The following ADAMTS20 variants were observed in gnomAD, a reference collection of about 807,000 sequenced individuals.
ADAMTS20 encodes ADAM metallopeptidase with thrombospondin type 1 motif 20.
In ADAMTS20, 225 loss-of-function variants were observed where a neutral mutation model predicts 260.1. The ratio of observed to expected loss-of-function variants is 0.87; its 90% confidence interval spans 0.78 to 0.97. ADAMTS20 has a LOEUF of 0.97. Among genes scored for constraint, ADAMTS20 ranks in the 50% least tolerant of loss-of-function variants. The pLI is 0.00. For synonymous variants in ADAMTS20, 802 were observed against 769.5 expected (o/e 1.04, Z -0.70); for missense variants, 2,400 against 2,337.7 (o/e 1.03, Z -0.55).
intron 18 of ADAMTS20, among the ~76,000 whole-genome samples, chr12:43,437,374 C>G (rs953456185): frequency 1.3e-5 from 2 of 152,050 alleles, no homozygotes; most frequent in Non-Finnish European, 2.9e-5. Flanking sequence ...TTTCTCAAGA[C>G]AAAGATTTAT....
intron 11 of ADAMTS20, among the ~76,000 whole-genome samples, chr12:43,460,435 C>G (rs952081922): frequency 6.6e-6 from 1 of 152,082 alleles, no homozygotes; most frequent in Non-Finnish European, 1.5e-5. Context: ...TAAAGACTAA[C>G]AGTATCAAAA....
intron 16 of ADAMTS20, 134 bp downstream of exon 16, chr12:43,443,657 G>A (rs1483128051): frequency 1.9e-5 from 12 of 643,758 alleles, no homozygotes; most frequent in Admixed American, 4.9e-5. Context: ...TATAGGGAGC[G>A]CTAAGCTCAG....
chr12:43,508,836 G>C (rs1159048388), intron 3 of ADAMTS20, among the ~76,000 whole-genome samples: 3 of 152,022 alleles, frequency 2.0e-5, no homozygotes, highest in Admixed American at 6.6e-5. Flanking sequence ...TGTTGTACTA[G>C]ACTTTATTCA....
At chr12:43,483,506 G>A (rs1942473179) in intron 7 of ADAMTS20, among the ~76,000 whole-genome samples, 1 of 152,156 alleles carries the variant, frequency 6.6e-6, no homozygotes, top group Non-Finnish European at 1.5e-5. Context: ...GAGTACTTCA[G>A]GGTGACAACA....
intron 28 of ADAMTS20, among the ~76,000 whole-genome samples, chr12:43,415,225 G>C (rs1941106806): frequency 6.6e-6 from 1 of 152,092 alleles, no homozygotes; most frequent in African/African-American, 2.4e-5. Flanking sequence ...GCGGGATGTG[G>C]GGGAATTTCT....
Position 43,454,062 on chromosome 12 carries a change from T to C in ADAMTS20, c.1615-10A>G. On this transcript the variant is annotated splice_polypyrimidine_tract_variant and intron_variant, in intron 11 of 38. Coordinates refer to ENST00000389420, the MANE Select transcript of ADAMTS20 (RefSeq NM_025003.5). ...GCCCATGACGGCAATGCTATAAAAA[T>C]AATAAGCACAAAAAGAAATGATGTG... 6.2e-7 allele frequency: 1 copy of C among 1,606,924 alleles called. No homozygotes were observed. Among genetic ancestry groups the C allele is most frequent in the Non-Finnish European group, 8.5e-7 (1 of 1,177,532 alleles).
chr12:43,467,208 C>T (rs941197841), intron 8 of ADAMTS20, among the ~76,000 whole-genome samples: 11 of 151,980 alleles, frequency 7.2e-5, no homozygotes, highest in Admixed American at 3.9e-4. Flanking sequence ...ACAAGAACTT[C>T]GTGAATCCCC....
intron 31 of ADAMTS20, 86 bp from the exon 32 acceptor site, chr12:43,377,648 CTGT>C: frequency 1.4e-5 from 15 of 1,062,402 alleles, no homozygotes; most frequent in Non-Finnish European, 2.0e-5. Context: ...ATATATTATG[CTGT>C]GTCATTTCCA....
chr12:43,361,676 G>C (rs1375627193), intron 37 of ADAMTS20, among the ~76,000 whole-genome samples: 1 of 152,146 alleles, frequency 6.6e-6, no homozygotes, highest in Non-Finnish European at 1.5e-5. Context: ...GGATTACAGA[G>C]ACATTGGAGA....
chr12:43,390,450 A>T (rs1007518583), intron 29 of ADAMTS20, among the ~76,000 whole-genome samples: 2 of 152,140 alleles, frequency 1.3e-5, no homozygotes, highest in Non-Finnish European at 2.9e-5. Flanking sequence ...TTTTTTATTA[A>T]CAACTCCATC....
chr12:43,418,357 T>C (rs550538061), intron 28 of ADAMTS20, among the ~76,000 whole-genome samples: 2 of 152,322 alleles, frequency 1.3e-5, no homozygotes, highest in South Asian at 4.1e-4. Flanking sequence ...GTCGCCAGGC[T>C]GGAGTGCAAT....
chr12:43,549,972 G>A (rs1943490469), intron 2 of ADAMTS20, among the ~76,000 whole-genome samples: 1 of 152,180 alleles, frequency 6.6e-6, no homozygotes, highest in African/African-American at 2.4e-5. Context: ...GTAAAAGTAT[G>A]TATCTGCTAA....
chr12:43,468,136 TA>T (rs896584010), intron 8 of ADAMTS20, among the ~76,000 whole-genome samples: 21 of 152,158 alleles, frequency 1.4e-4, no homozygotes, highest in Non-Finnish European at 2.9e-4. Flanking sequence ...GTGAATACTT[TA>T]AAAAAAATCT....
At chr12:43,520,186 C>T (rs1510527) in intron 3 of ADAMTS20, among the ~76,000 whole-genome samples, 57,161 of 151,868 alleles carry the variant, frequency 0.38, 11,565 homozygotes, top group East Asian at 0.83. Flanking sequence ...CTTAACTGTA[C>T]TGAATCTAAG....
intron 3 of ADAMTS20, among the ~76,000 whole-genome samples, chr12:43,518,460 G>A (rs1213750621): frequency 6.6e-6 from 1 of 152,006 alleles, no homozygotes; most frequent in East Asian, 1.9e-4. Flanking sequence ...AATCTTCCTA[G>A]TTGATTTCTC....
chr12:43,474,987 C>T (rs1942326748), intron 7 of ADAMTS20, among the ~76,000 whole-genome samples: 1 of 121,950 alleles, frequency 8.2e-6, no homozygotes, highest in South Asian at 3.5e-4. Context: ...AAGTTCTGGC[C>T]AGGGCAATCA....
chr12:43,355,637 C>G (rs1030862274), intron 38 of ADAMTS20, among the ~76,000 whole-genome samples: 3 of 151,648 alleles, frequency 2.0e-5, no homozygotes, highest in Non-Finnish European at 4.4e-5. Context: ...TAGAGTATAC[C>G]GGGGCTGTTG....
chr12:43,377,424 A>T lies in ADAMTS20; in HGVS notation c.4936T>A (p.Tyr1646Asn), dbSNP rs1218151027. Reference protein sequence around the residue: ...ECPVVPSSQVYQCINSCLHLA... With the variant: ...ECPVVPSSQVNQCINSCLHLA... ...TGCAAACAGCTGTTAATGCATTGGT[A>T]AACCTGAGAGGAAGGCACCACAGGG... The change falls in exon 32 of 39, where the codon TAC (tyrosine) becomes AAC (asparagine). Residue 1646 changes from tyrosine (Y) to asparagine (N), a missense_variant. Transcript: ENST00000389420. 1 of 1,613,592 alleles carries T rather than the reference A, an allele frequency of 6.2e-7. No homozygotes were observed.
chr12:43,467,045 A>C (rs2137383318), intron 8 of ADAMTS20, among the ~76,000 whole-genome samples: 1 of 152,098 alleles, frequency 6.6e-6, no homozygotes, highest in East Asian at 1.9e-4. Context: ...ACTCTGTTGC[A>C]CCTCATCACA....
Sources: allele counts gnomAD v4.1 joint callset (sites outside exome capture counted in the v4.1 genomes callset), GRCh38; gene constraint gnomAD v4.1.1; transcripts MANE v1.5; gene names NCBI Gene and HGNC (gene_info 2026-07-23, HGNC 2026-07-21).